Variants in RBFOX1 observed in about 807,000 individuals in gnomAD.
RBFOX1 encodes the protein RNA binding protein fox-1 homolog 1.
A neutral mutation model predicts 57.7 loss-of-function variants in RBFOX1; 8 were observed. That is an observed-to-expected ratio of 0.14 (90% CI 0.08 to 0.25). RBFOX1 has a LOEUF of 0.25. Ranked by LOEUF, RBFOX1 falls within the 10% of genes least tolerant of loss-of-function variation. RBFOX1 has a pLI of 1.00. For missense variants in RBFOX1, 611 were observed against 548.5 expected (o/e 1.11, Z -1.14); for synonymous variants, 326 against 222.4 (o/e 1.47, Z -4.15).
At chr16:6,853,457 C>T (rs148814754) in intron 3 of RBFOX1, among the ~76,000 whole-genome samples, 4 of 152,094 alleles carry the variant, frequency 2.6e-5, no homozygotes, top group African/African-American at 9.7e-5. Context: ...AAAGGCAAAT[C>T]ATCCTGATGG....
chr16:7,049,606 C>T (rs2049262827), intron 3 of RBFOX1, among the ~76,000 whole-genome samples: 1 of 152,148 alleles, frequency 6.6e-6, no homozygotes, highest in African/African-American at 2.4e-5. Flanking sequence ...GGCTACCTTG[C>T]ACCCACACTA....
chr16:5,352,418 A>G (rs1174209525), intron 1 of RBFOX1, among the ~76,000 whole-genome samples: 1 of 152,152 alleles, frequency 6.6e-6, no homozygotes, highest in African/African-American at 2.4e-5. Flanking sequence ...GACATCTACA[A>G]TGAACACCCT....
chr16:6,832,082 C>G (rs1248585221), intron 3 of RBFOX1, among the ~76,000 whole-genome samples: 1 of 152,174 alleles, frequency 6.6e-6, no homozygotes, highest in Middle Eastern at 3.2e-3. Context: ...CATTTGTAGA[C>G]AAAACTGAAT....
At chr16:7,339,754 T>C (rs533814962) in intron 4 of RBFOX1, among the ~76,000 whole-genome samples, 2 of 152,340 alleles carry the variant, frequency 1.3e-5, no homozygotes, top group East Asian at 1.9e-4. Context: ...AGATATTTGT[T>C]AAGAATTCTT....
chr16:5,583,898 TAG>T (rs2046752106), intron 2 of RBFOX1, among the ~76,000 whole-genome samples: 1 of 152,222 alleles, frequency 6.6e-6, no homozygotes, highest in Admixed American at 6.5e-5. Flanking sequence ...CTCTGCCATG[TAG>T]AGTTTGTCTG....
At chr16:5,659,493 C>T (rs532150210) in intron 3 of RBFOX1, among the ~76,000 whole-genome samples, 196 of 151,950 alleles carry the variant, frequency 1.3e-3, no homozygotes, top group African/African-American at 4.4e-3. Flanking sequence ...TTAGTAGAGA[C>T]GGGGTTTTAC....
intron 2 of RBFOX1, among the ~76,000 whole-genome samples, chr16:6,570,495 CTA>C (rs998208504): frequency 2.6e-5 from 4 of 151,494 alleles, no homozygotes; most frequent in Admixed American, 6.6e-5. Context: ...TGTACTCTCT[CTA>C]TATATATATA....
chr16:7,226,714 A>G (rs1308464659), intron 4 of RBFOX1, among the ~76,000 whole-genome samples: 3 of 152,214 alleles, frequency 2.0e-5, no homozygotes, highest in Non-Finnish European at 4.4e-5. Context: ...GAGTTCAGAG[A>G]TACGTCTAAA....
intron 1 of RBFOX1, among the ~76,000 whole-genome samples, chr16:5,371,614 G>A (rs1330878775): frequency 6.6e-6 from 1 of 152,240 alleles, no homozygotes; most frequent in Non-Finnish European, 1.5e-5. Context: ...TCTAGGAGGT[G>A]TGAGCCGGTG....
intron 4 of RBFOX1, among the ~76,000 whole-genome samples, chr16:5,908,294 A>G (rs2058524222): frequency 7.0e-6 from 1 of 143,432 alleles, no homozygotes; most frequent in Non-Finnish European, 1.5e-5. Flanking sequence ...ATATACACAT[A>G]TATATATACA....
intron 1 of RBFOX1, among the ~76,000 whole-genome samples, chr16:6,162,130 G>A (rs2096883961): frequency 6.6e-6 from 1 of 152,108 alleles, no homozygotes; most frequent in Non-Finnish European, 1.5e-5. Flanking sequence ...TAATTGTTTG[G>A]TTTTGGAGAC....
chr16:7,038,279 C>A (rs2045131821), intron 3 of RBFOX1, among the ~76,000 whole-genome samples: 1 of 152,056 alleles, frequency 6.6e-6, no homozygotes. Context: ...TTTTCTTAGA[C>A]TGAGCAAGGG....
At chr16:5,252,904 G>A (rs1336039390) in intron 1 of RBFOX1, among the ~76,000 whole-genome samples, 1 of 152,114 alleles carries the variant, frequency 6.6e-6, no homozygotes, top group African/African-American at 2.4e-5. Context: ...CTCCCTCCTG[G>A]TGATTAAACC....
chr16:7,355,144 G>A (rs1337109508), intron 4 of RBFOX1, among the ~76,000 whole-genome samples: 1 of 152,158 alleles, frequency 6.6e-6, no homozygotes, highest in Non-Finnish European at 1.5e-5. Context: ...GAGCATCAGA[G>A]ATGTCAATTG....
At chr16:6,318,038 G>A (rs992610315) in intron 2 of RBFOX1, among the ~76,000 whole-genome samples, 17 of 152,162 alleles carry the variant, frequency 1.1e-4, no homozygotes, top group African/African-American at 4.1e-4. Flanking sequence ...GCAAGAGGCT[G>A]ATCAAAGGGA....
intron 2 of RBFOX1, among the ~76,000 whole-genome samples, chr16:5,570,451 A>G (rs1213937619): frequency 6.6e-6 from 1 of 152,162 alleles, no homozygotes; most frequent in African/African-American, 2.4e-5. Context: ...GTCCCTGGCA[A>G]GCATTTGATA....
intron 3 of RBFOX1, among the ~76,000 whole-genome samples, chr16:6,824,064 C>A (rs184738498): frequency 1.2e-3 from 187 of 152,238 alleles, no homozygotes; most frequent in Non-Finnish European, 6.9e-4. Flanking sequence ...TTGTCTACAC[C>A]TTGTATTTTG....
chr16:5,335,287 G>A (rs1341307784), intron 1 of RBFOX1, among the ~76,000 whole-genome samples: 1 of 152,218 alleles, frequency 6.6e-6, no homozygotes, highest in Non-Finnish European at 1.5e-5. Flanking sequence ...TGCATAAAGA[G>A]TTTATTGAAA....
chr16:7,159,319 C>A (rs1022593060), intron 4 of RBFOX1, among the ~76,000 whole-genome samples: 2 of 152,052 alleles, frequency 1.3e-5, no homozygotes, highest in Admixed American at 1.3e-4. Context: ...CATGCCTATC[C>A]CAGAGACAGG....
Sources: gnomAD v4.1 joint callset for allele counts (sites outside exome capture counted in the v4.1 genomes callset) on GRCh38, gnomAD v4.1.1 for gene constraint, MANE v1.5 for transcripts, NCBI Gene and HGNC (gene_info 2026-07-23, HGNC 2026-07-21) for gene names.